The following HDAC9 variants were observed in gnomAD, a reference collection of about 807,000 sequenced individuals.
HDAC9 encodes the protein MEF-2 interacting transcription repressor (MITR) protein.
In HDAC9, 41 loss-of-function variants were observed where a neutral mutation model predicts 139.4. That is an observed-to-expected ratio of 0.29 (90% CI 0.23 to 0.38). The LOEUF (loss-of-function observed/expected upper bound fraction) is 0.38. Among genes scored for constraint, HDAC9 ranks in the 10% least tolerant of loss-of-function variants. The pLI, the probability that HDAC9 is intolerant of heterozygous loss-of-function variation, is 1.00. For synonymous variants in HDAC9, 517 were observed against 476.2 expected, an observed-to-expected ratio of 1.09 and a Z score of -1.12; for missense variants, 1,147 against 1,297.0, an observed-to-expected ratio of 0.88 and a Z score of 1.78.
At chr7:18,090,297 G>T (rs752107466) in intron 1 of HDAC9, among the ~76,000 whole-genome samples, 3 of 152,112 alleles carry the variant, frequency 2.0e-5, no homozygotes, top group Non-Finnish European at 2.9e-5. Flanking sequence ...TGTATTTCTA[G>T]ATTTTTAAAG....
chr7:18,576,365 CTAT>C (rs1164348545), intron 2 of HDAC9, among the ~76,000 whole-genome samples: 1 of 152,082 alleles, frequency 6.6e-6, no homozygotes, highest in East Asian at 1.9e-4. Flanking sequence ...GCTTCAAAAA[CTAT>C]TTAGGAGTAG....
Position 18,481,992 on chromosome 7 carries a change from T to G in HDAC9, c.-41-14270T>G, listed in dbSNP as rs139109886. 1.1e-3 allele frequency among the ~76,000 whole-genome samples: 160 copies of G among 152,264 alleles called. 2 individuals carry two copies. Among genetic ancestry groups the G allele is most frequent in the Non-Finnish European group, 1.9e-3 (130 of 68,018 alleles). On this transcript the variant is annotated intron_variant, in intron 1 of 3. Coordinates refer to the HDAC9 transcript ENST00000413509. Reference sequence around the variant, plus strand: ...TGTGGGTGACTTTATGTGCCAAGTCTTCACTACCAGCATTTTCAAAGGGCT... The same window carrying G: ...TGTGGGTGACTTTATGTGCCAAGTCGTCACTACCAGCATTTTCAAAGGGCT...
chr7:18,292,133 T>A (rs1585029538), intron 1 of HDAC9, among the ~76,000 whole-genome samples: 1 of 152,114 alleles, frequency 6.6e-6, no homozygotes, highest in Non-Finnish European at 1.5e-5. Context: ...GTAATGGCTG[T>A]CATTTATTGA....
At chr7:18,885,034 A>G (rs1250885785) in intron 22 of HDAC9, among the ~76,000 whole-genome samples, 1 of 152,232 alleles carries the variant, frequency 6.6e-6, no homozygotes, top group African/African-American at 2.4e-5. Context: ...TAGATATGTA[A>G]AATACCATTT....
At chr7:18,811,927 G>C (rs986540725) in intron 17 of HDAC9, among the ~76,000 whole-genome samples, 108 of 151,588 alleles carry the variant, frequency 7.1e-4, no homozygotes, top group African/African-American at 2.5e-3. Flanking sequence ...TATTCACAGG[G>C]GATTGGTTTT....
At chr7:18,549,745 G>T (rs1247797871) in intron 2 of HDAC9, among the ~76,000 whole-genome samples, 44 of 142,432 alleles carry the variant, frequency 3.1e-4, no homozygotes, top group South Asian at 4.4e-4. Flanking sequence ...TAAAAAGGTG[G>T]TTTTTTTTTT....
At chr7:18,316,744 G>A (rs562063482) in intron 1 of HDAC9, among the ~76,000 whole-genome samples, 48 of 151,948 alleles carry the variant, frequency 3.2e-4, no homozygotes, top group Non-Finnish European at 4.9e-4. Flanking sequence ...TTGAGCCCAG[G>A]AGTTGGAGGT....
intron 1 of HDAC9, among the ~76,000 whole-genome samples, chr7:18,391,240 C>T (rs1786451930): frequency 6.6e-6 from 1 of 152,008 alleles, no homozygotes; most frequent in Non-Finnish European, 1.5e-5. Flanking sequence ...CAAAAATTAT[C>T]CGGGCATGGT....
chr7:18,617,009 C>G (rs1234310502), intron 6 of HDAC9, among the ~76,000 whole-genome samples: 1 of 152,166 alleles, frequency 6.6e-6, no homozygotes, highest in African/African-American at 2.4e-5. Context: ...ATAAATGGAA[C>G]CATGTTCTGT....
Position 18,125,627 on chromosome 7 carries a change from G to A in HDAC9, c.-96-36602G>A, listed in dbSNP as rs535093648. ...TGTGTTATCTACTTATCTATCTCAG[G>A]GGTCGGCATACCATTCATATTTACT... On this transcript the variant is annotated intron_variant, in intron 1 of 12. Coordinates refer to the HDAC9 transcript ENST00000417496. Among the ~76,000 whole-genome samples the A allele has an allele frequency of 2.0e-5, 3 of 151,738 alleles. No individual in the cohort carries two copies. The South Asian group carries it at 6.3e-4, about 32-fold the overall frequency.
At position 18,713,065 on chromosome 7, in the gene HDAC9, G is replaced by A. The variant is rs186262634; in HGVS notation, c.1732-14515G>A. 7.6e-4 allele frequency among the ~76,000 whole-genome samples: 115 copies of A among 152,214 alleles called. 1 individual carries two copies. Among genetic ancestry groups the A allele is most frequent in the African/African-American group, 2.6e-3 (110 of 41,558 alleles). Reference sequence around the variant, plus strand: ...GTTTGATGAGCATAGTTAAAATCAGGTAACTGAAGTTAACATAACTTGACG... The same window carrying A: ...GTTTGATGAGCATAGTTAAAATCAGATAACTGAAGTTAACATAACTTGACG... On this transcript the variant is annotated intron_variant, in intron 12 of 25. Coordinates refer to ENST00000686413, the MANE Select transcript of HDAC9 (RefSeq NM_178425.4).
intron 8 of HDAC9, among the ~76,000 whole-genome samples, chr7:18,637,293 T>G (rs1222397646): frequency 2.0e-5 from 3 of 152,098 alleles, no homozygotes; most frequent in African/African-American, 7.2e-5. Context: ...TAAATACATA[T>G]GTATGTGCAT....
chr7:18,221,854 A>G (rs1311571315), intron 2 of HDAC9, among the ~76,000 whole-genome samples: 1 of 152,222 alleles, frequency 6.6e-6, no homozygotes, highest in Non-Finnish European at 1.5e-5. Flanking sequence ...TAAATTGGGT[A>G]GTGACCTTCC....
chr7:18,928,005 A>C (rs1272196366), intron 22 of HDAC9, among the ~76,000 whole-genome samples: 11 of 152,226 alleles, frequency 7.2e-5, no homozygotes, highest in African/African-American at 2.2e-4. Flanking sequence ...AAAATGACTT[A>C]TCCAATAGAT....
intron 1 of HDAC9, among the ~76,000 whole-genome samples, chr7:18,410,218 A>G (rs1265676534): frequency 6.6e-6 from 1 of 152,182 alleles, no homozygotes; most frequent in Non-Finnish European, 1.5e-5. Flanking sequence ...GGTTTAACCT[A>G]TGGTCAGGGT....
chr7:18,361,351 C>T (rs1218614345), intron 1 of HDAC9, among the ~76,000 whole-genome samples: 1 of 152,168 alleles, frequency 6.6e-6, no homozygotes, highest in East Asian at 1.9e-4. Context: ...TATCCACCCA[C>T]ACCTCTCTCC....
chr7:18,838,081 T>A (rs1277812242), intron 21 of HDAC9, among the ~76,000 whole-genome samples: 2 of 152,072 alleles, frequency 1.3e-5, no homozygotes, highest in African/African-American at 4.8e-5. Flanking sequence ...CATTTTGAAC[T>A]ATGGCCTGTC....
Position 18,954,130 on chromosome 7 carries a change from TCTA to T in HDAC9, c.2938-12_2938-10del. 1 of 1,517,416 alleles carries T rather than the reference TCTA, an allele frequency of 6.6e-7. No individual in the cohort carries two copies. Among genetic ancestry groups the T allele is most frequent in the Non-Finnish European group, 9.0e-7 (1 of 1,112,574 alleles). 94.0% of individuals were successfully genotyped at this position (1,517,416 alleles called of 1,614,324 possible). On this transcript the variant is annotated splice_polypyrimidine_tract_variant and intron_variant, in intron 23 of 25. Transcript: ENST00000686413. ...TCATAATATTCTGCTCATACTATTA[TCTA>T]CTATTCTTGCAGCTGGAGCCACTTG...
intron 1 of HDAC9, among the ~76,000 whole-genome samples, chr7:18,331,196 C>G (rs1024015175): frequency 6.6e-6 from 1 of 151,606 alleles, no homozygotes; most frequent in Non-Finnish European, 1.5e-5. Flanking sequence ...CAGCATCATT[C>G]CCATCAGTCA....
Sources: allele counts gnomAD v4.1 joint callset (sites outside exome capture counted in the v4.1 genomes callset), GRCh38; gene constraint gnomAD v4.1.1; transcripts MANE v1.5; gene names NCBI Gene and HGNC (gene_info 2026-07-23, HGNC 2026-07-21).